RYR3: variants seen among roughly 807,000 people sequenced by gnomAD.
The protein encoded by RYR3 is ryanodine receptor 3, also known as brain ryanodine receptor-calcium release channel.
RYR3 carries 207 observed loss-of-function variants against 584.3 expected under a neutral mutation model. The observed-to-expected ratio is 0.35, with a 90% CI of 0.32 to 0.40. The LOEUF is 0.40. Ranked by LOEUF, RYR3 falls within the 10% of genes least tolerant of loss-of-function variation. RYR3 has a pLI of 1.00. For synonymous variants in RYR3, 2,416 were observed against 2,248.5 expected (o/e 1.07, Z -2.11); for missense variants, 5,616 against 6,089.2 (o/e 0.92, Z 2.59).
Position 33,413,216 on chromosome 15 carries a change from T to C in RYR3, c.52-60203T>C, listed in dbSNP as rs758355073. The stretch of plus-strand genomic sequence containing the variant: ...TCCTAGAAAACCTAGTAAAAACACA[T>C]TTGTATTGGCCAGTAAGTCTTCTCA... On this transcript the variant is annotated intron_variant, in intron 1 of 103. Coordinates refer to ENST00000634891, the MANE Select transcript of RYR3 (RefSeq NM_001036.6). 1.9e-4 allele frequency among the ~76,000 whole-genome samples: 29 copies of C among 152,324 alleles called. 1 individual carries two copies. The Middle Eastern group carries it at 0.02, about 107-fold the overall frequency.
intron 57 of RYR3, among the ~76,000 whole-genome samples, chr15:33,752,618 A>G (rs2071424455): frequency 6.6e-6 from 1 of 152,216 alleles, no homozygotes; most frequent in African/African-American, 2.4e-5. Flanking sequence ...TATCAACTTA[A>G]GGAGATTTGG....
intron 70 of RYR3, among the ~76,000 whole-genome samples, chr15:33,809,303 A>G (rs995438679): frequency 3.3e-5 from 5 of 152,118 alleles, no homozygotes; most frequent in African/African-American, 1.2e-4. Context: ...CAAACACTCC[A>G]TGGTACCTCA....
Position 33,603,151 on chromosome 15 carries a change from G to T in RYR3, c.1951G>T (p.Ala651Ser). Reference protein sequence around the residue: ...SIRPNIFLGVAEGSAQYKKWY... With the variant: ...SIRPNIFLGVSEGSAQYKKWY... The stretch of plus-strand genomic sequence containing the variant: ...CCGGCCAAACATCTTCCTGGGAGTC[G>T]CGGAGGGCTCAGCCCAGTACAAGAA... Residue 651 changes from alanine to serine, a missense_variant, in exon 18 of 104, where the codon GCG becomes TCG. Ala to Ser is a moderately conservative substitution (Grantham distance 99). Coordinates refer to ENST00000634891, the MANE Select transcript of RYR3 (RefSeq NM_001036.6). 2 of 1,613,794 alleles carry T rather than the reference G, an allele frequency of 1.2e-6. No homozygotes were observed. The highest frequency in any genetic ancestry group is 1.1e-5 in the South Asian group (1 of 91,068).
Position 33,834,981 on chromosome 15 carries a change from G to A in RYR3, c.11477G>A (p.Gly3826Asp), listed in dbSNP as rs1483947949. Reference sequence around the variant, plus strand: ...TCTTCTCTGCAGGGCCCTTGCATTGGTAATCAACAGAGCCTGGCTCACAGC... The same window carrying A: ...TCTTCTCTGCAGGGCCCTTGCATTGATAATCAACAGAGCCTGGCTCACAGC... ...LTEYIQGPCIGNQQSLAHSRL... is the reference protein window; with the variant it reads ...LTEYIQGPCIDNQQSLAHSRL... The change falls in exon 87 of 104, where the codon GGT becomes GAT. Residue 3826 changes from glycine to aspartate, a missense_variant. This residue lies in a region of RYR3 where 954 missense variants were observed against 1,132.2 expected (regional missense o/e 0.84). Coordinates refer to ENST00000634891, the MANE Select transcript of RYR3 (RefSeq NM_001036.6). The A allele has an allele frequency of 2.5e-6, 4 of 1,613,834 alleles. No homozygotes were observed. Among genetic ancestry groups the A allele is most frequent in the Non-Finnish European group, 3.4e-6 (4 of 1,179,852 alleles).
chr15:33,491,461 G>A (rs2050957171), intron 2 of RYR3, among the ~76,000 whole-genome samples: 1 of 152,212 alleles, frequency 6.6e-6, no homozygotes, highest in Non-Finnish European at 1.5e-5. Flanking sequence ...GACAGACCTT[G>A]CTTAGGTCGC....
At chr15:33,669,239 A>T in intron 36 of RYR3, 115 bp from the exon 37 acceptor site, 1 of 699,098 alleles carries the variant, frequency 1.4e-6, no homozygotes. Context: ...AAAAAAAAAA[A>T]AATCACTAAG....
chr15:33,583,578 T>C (rs2058696219), intron 14 of RYR3, among the ~76,000 whole-genome samples: 1 of 152,200 alleles, frequency 6.6e-6, no homozygotes, highest in Non-Finnish European at 1.5e-5. Flanking sequence ...TAGCAGACTC[T>C]CTGGAAATAC....
intron 70 of RYR3, among the ~76,000 whole-genome samples, chr15:33,809,840 T>A (rs548523410): frequency 2.6e-5 from 4 of 152,140 alleles, no homozygotes; most frequent in African/African-American, 9.7e-5. Context: ...CTGAGTGAAC[T>A]CTCTCTGAAA....
intron 40 of RYR3, among the ~76,000 whole-genome samples, chr15:33,698,419 G>A (rs17817518): frequency 0.33 from 49,705 of 151,982 alleles, 9,612 homozygotes; most frequent in East Asian, 0.63. Flanking sequence ...TCTGTCAACC[G>A]AACTCCTGAA....
chr15:33,651,602 G>A (rs1324015729), intron 31 of RYR3, among the ~76,000 whole-genome samples: 2 of 152,138 alleles, frequency 1.3e-5, no homozygotes, highest in Non-Finnish European at 2.9e-5. Flanking sequence ...CATCCTGAGA[G>A]GTGAAGCAAC....
chr15:33,714,790 G>C (rs1002847327), intron 43 of RYR3, among the ~76,000 whole-genome samples: 1 of 152,172 alleles, frequency 6.6e-6, no homozygotes, highest in Non-Finnish European at 1.5e-5. Flanking sequence ...CATGTGAAGA[G>C]TCTATGAGGG....
At position 33,580,063 on chromosome 15, in the gene RYR3, C is replaced by G. The variant is rs773294297; in HGVS notation, c.1356C>G (p.Pro452=). The change falls in exon 13 of 104, where the codon CCC becomes CCG. Residue 452 remains proline, a synonymous_variant. Transcript: ENST00000634891. ...AGGACTTGATCGCCTACTTCCAGCC[C>G]CCAGAGGAGGAGATGCGACATGAAG... ...TLQDLIAYFQ[P]PEEEMRHEDK... The G allele has an allele frequency of 2.5e-6, 4 of 1,613,674 alleles. No homozygotes were observed. The highest frequency in any genetic ancestry group is 3.4e-6 in the Non-Finnish European group (4 of 1,179,786).
chr15:33,818,560 C>A lies in RYR3; in HGVS notation c.10600-18C>A. 1 of 1,579,904 alleles carries A rather than the reference C, an allele frequency of 6.3e-7. No homozygotes were observed. The highest frequency in any genetic ancestry group is 8.7e-7 in the Non-Finnish European group (1 of 1,149,294). On this transcript the variant is annotated intron_variant, in intron 75 of 103. Coordinates refer to ENST00000634891, the MANE Select transcript of RYR3 (RefSeq NM_001036.6). ...GATTAAATTCATGCCTAAAACCTAT[C>A]TGTGTTGGTTTGTGTAGAAATCTCC...
At chr15:33,374,799 T>C (rs2040604547) in intron 1 of RYR3, among the ~76,000 whole-genome samples, 1 of 152,212 alleles carries the variant, frequency 6.6e-6, no homozygotes, top group Non-Finnish European at 1.5e-5. Context: ...GGAAATCTTC[T>C]GGAGCCCTCC....
chr15:33,675,593 A>T (rs76757301), intron 38 of RYR3, among the ~76,000 whole-genome samples: 10 of 152,298 alleles, frequency 6.6e-5, no homozygotes, highest in African/African-American at 2.4e-4. Flanking sequence ...CAGGAGACTG[A>T]GCATGAGACA....
intron 1 of RYR3, among the ~76,000 whole-genome samples, chr15:33,438,107 T>G (rs1458166482): frequency 6.6e-6 from 1 of 152,204 alleles, no homozygotes; most frequent in East Asian, 1.9e-4. Context: ...CGATGTGATG[T>G]TTTTTGAACT....
In RYR3 at chr15:33,756,322, T is replaced by A. The variant is rs1052040358; in HGVS notation, c.8532T>A (p.Ser2844Arg). The A allele has an allele frequency of 6.3e-6, 10 of 1,580,152 alleles. No homozygotes were observed. The highest frequency in any genetic ancestry group is 7.7e-6 in the Non-Finnish European group (9 of 1,162,020). The change falls in exon 59 of 104, where the codon AGT becomes AGA. Residue 2844 changes from serine to arginine, a missense_variant. By Grantham distance (110) the Ser-to-Arg change is moderately radical (BLOSUM62 -1). This residue lies in a region of RYR3 where 1,280 missense variants were observed against 1,426.2 expected (regional missense o/e 0.90). Coordinates refer to ENST00000634891, the MANE Select transcript of RYR3 (RefSeq NM_001036.6). ...FIAHLEAIVS[S>R]GKTEKSPRDQ... Reference sequence around the variant, plus strand: ...TCTTCGTAGAAGCCATTGTCAGCAGTGGGAAAACTGAAAAGTCTCCCCGTG... The same window carrying A: ...TCTTCGTAGAAGCCATTGTCAGCAGAGGGAAAACTGAAAAGTCTCCCCGTG...
chr15:33,811,515 A>C (rs891191631), intron 72 of RYR3, among the ~76,000 whole-genome samples: 1 of 152,042 alleles, frequency 6.6e-6, no homozygotes, highest in Non-Finnish European at 1.5e-5. Context: ...CGTCTCAAAA[A>C]AAAAAAAAAG....
At chr15:33,686,541 A>G (rs2065022031) in intron 38 of RYR3, among the ~76,000 whole-genome samples, 2 of 152,228 alleles carry the variant, frequency 1.3e-5, no homozygotes, top group South Asian at 4.1e-4. Context: ...ATTCCAATGA[A>G]TAGAAAAAGA....
Sources: allele counts gnomAD v4.1 joint callset (sites outside exome capture counted in the v4.1 genomes callset), GRCh38; gene constraint gnomAD v4.1.1; regional missense constraint gnomAD v4.1.1; transcripts MANE v1.5; gene names NCBI Gene and HGNC (gene_info 2026-07-23, HGNC 2026-07-21).